Variants in CFAP90 observed in about 807,000 individuals in gnomAD.
CFAP90 encodes cilia- and flagella-associated protein 90.
chr5:7,837,515 A>T, the CFAP90 span, among the ~76,000 whole-genome samples: 1 of 152,192 alleles, frequency 6.6e-6, no homozygotes, highest in East Asian at 1.9e-4. Flanking sequence ...AAAGGATGCA[A>T]GACTTTATAC....
the CFAP90 span, among the ~76,000 whole-genome samples, chr5:7,832,237 G>C: frequency 6.6e-6 from 1 of 152,166 alleles, no homozygotes; most frequent in African/African-American, 2.4e-5. Flanking sequence ...AGGCTGGCTG[G>C]TGTATTCATT....
At chr5:7,849,761 C>T in the CFAP90 span, among the ~76,000 whole-genome samples, 1 of 152,184 alleles carries the variant, frequency 6.6e-6, no homozygotes. Context: ...CACTCTCAGT[C>T]CAGCCCTCCC....
At chr5:7,839,247 C>G in the CFAP90 span, among the ~76,000 whole-genome samples, 1 of 152,176 alleles carries the variant, frequency 6.6e-6, no homozygotes, top group Non-Finnish European at 1.5e-5. Context: ...GTGGGAGTTA[C>G]AATTCAATAT....
chr5:7,848,653 C>T, the CFAP90 span, among the ~76,000 whole-genome samples: 2 of 152,196 alleles, frequency 1.3e-5, no homozygotes, highest in South Asian at 4.1e-4. Context: ...CTACCCAAAT[C>T]TCATCTTGAA....
the CFAP90 span, among the ~76,000 whole-genome samples, chr5:7,848,418 T>C: frequency 2.6e-5 from 4 of 152,210 alleles, no homozygotes; most frequent in Non-Finnish European, 5.9e-5. Context: ...CTGAGGTTTA[T>C]GGCTGCCGTA....
the CFAP90 span, among the ~76,000 whole-genome samples, chr5:7,840,197 T>C: frequency 6.6e-6 from 1 of 152,210 alleles, no homozygotes; most frequent in Non-Finnish European, 1.5e-5. Flanking sequence ...GTTTTGAATA[T>C]TGTTAAAATG....
At chr5:7,847,153 C>A in the CFAP90 span, among the ~76,000 whole-genome samples, 1 of 152,194 alleles carries the variant, frequency 6.6e-6, no homozygotes, top group Admixed American at 6.5e-5. Flanking sequence ...GATTAAATCC[C>A]AGTTCATATC....
At chr5:7,845,990 G>C in the CFAP90 span, among the ~76,000 whole-genome samples, 1 of 151,350 alleles carries the variant, frequency 6.6e-6, no homozygotes, top group South Asian at 2.1e-4. Flanking sequence ...AGGGATATGA[G>C]GTTTGCGACT....
At chr5:7,844,996 G>T in the CFAP90 span, among the ~76,000 whole-genome samples, 211 of 152,130 alleles carry the variant, frequency 1.4e-3, no homozygotes, top group African/African-American at 4.9e-3. Context: ...AATTTATAAA[G>T]AAAAAAAGGT....
chr5:7,832,087 C>A, the CFAP90 span: 2 of 1,531,846 alleles, frequency 1.3e-6, no homozygotes, highest in Non-Finnish European at 1.8e-6. Flanking sequence ...GCACAGCTCA[C>A]CCGTGCATCC....
At chr5:7,835,226 T>C in the CFAP90 span, among the ~76,000 whole-genome samples, 1 of 152,186 alleles carries the variant, frequency 6.6e-6, no homozygotes, top group Non-Finnish European at 1.5e-5. Context: ...ATGGCACCAA[T>C]AGACTTACTT....
the CFAP90 span, chr5:7,831,709 A>C: frequency 4.5e-5 from 35 of 780,934 alleles, no homozygotes; most frequent in Non-Finnish European, 7.2e-5. Flanking sequence ...CATGTGTCCC[A>C]CTGTAGAGAT....
At chr5:7,837,312 G>A in the CFAP90 span, among the ~76,000 whole-genome samples, 2 of 152,068 alleles carry the variant, frequency 1.3e-5, no homozygotes, top group Non-Finnish European at 2.9e-5. Context: ...CACCTTGTAG[G>A]TCAGGCTTGT....
At chr5:7,838,774 G>A in the CFAP90 span, among the ~76,000 whole-genome samples, 2 of 152,154 alleles carry the variant, frequency 1.3e-5, no homozygotes, top group Non-Finnish European at 2.9e-5. Flanking sequence ...TGAAGACCTA[G>A]TCTCTAGAAC....
At chr5:7,841,500 A>G in the CFAP90 span, among the ~76,000 whole-genome samples, 1 of 152,242 alleles carries the variant, frequency 6.6e-6, no homozygotes, top group Non-Finnish European at 1.5e-5. Flanking sequence ...AATAGAAATC[A>G]TTCCATTATA....
the CFAP90 span, among the ~76,000 whole-genome samples, chr5:7,849,754 T>TTGA: frequency 6.6e-6 from 1 of 152,132 alleles, no homozygotes; most frequent in African/African-American, 2.4e-5. Flanking sequence ...GAGGGACCAC[T>TTGA]CTCAGTCCAG....
the CFAP90 span, among the ~76,000 whole-genome samples, chr5:7,837,981 C>T: frequency 5.3e-5 from 8 of 152,176 alleles, 1 homozygote; most frequent in South Asian, 1.7e-3. Context: ...TTATTGTCTT[C>T]ACTCTCACTC....
the CFAP90 span, chr5:7,850,796 C>G: frequency 1.8e-4 from 46 of 262,708 alleles, no homozygotes; most frequent in Non-Finnish European, 2.0e-4. Flanking sequence ...GCCCAGCCGC[C>G]CAGCCGCCCA....
chr5:7,846,494 T>G, the CFAP90 span, among the ~76,000 whole-genome samples: 1 of 152,194 alleles, frequency 6.6e-6, no homozygotes, highest in Non-Finnish European at 1.5e-5. Context: ...TGTCCTCACA[T>G]GCTGGGAGGG....
Sources: allele counts gnomAD v4.1 joint callset (sites outside exome capture counted in the v4.1 genomes callset), GRCh38; gene constraint gnomAD v4.1.1; transcripts MANE v1.5; gene names NCBI Gene and HGNC (gene_info 2026-07-23, HGNC 2026-07-21).